MYO1H: variants seen among roughly 807,000 people sequenced by gnomAD.
MYO1H encodes the protein myosin IH.
Under a neutral mutation model 149.3 loss-of-function variants are expected in MYO1H, and 118 were observed. The ratio of observed to expected loss-of-function variants is 0.79; its 90% CI spans 0.68 to 0.92. The LOEUF (loss-of-function observed/expected upper bound fraction) is 0.92, where lower values mean the gene tolerates loss of function less well. MYO1H is among the 40% of genes least tolerant of loss of function. The probability of loss-of-function intolerance (pLI) is 0.00; values close to 1 mark genes in which losing one functional copy is unlikely to be tolerated. For synonymous variants in MYO1H, 447 were observed against 465.2 expected, an observed-to-expected ratio of 0.96 and a Z score of 0.50; for missense variants, 1,212 against 1,280.7, an observed-to-expected ratio of 0.95 and a Z score of 0.82.
intron 1 of MYO1H, among the ~76,000 whole-genome samples, chr12:109,377,292 C>T (rs1177475171): frequency 6.6e-6 from 1 of 152,160 alleles, no homozygotes; most frequent in East Asian, 1.9e-4. Context: ...TGGGCATCTG[C>T]ACGTGTTGAG....
At chr12:109,385,196 A>G (rs1276718995) in intron 1 of MYO1H, among the ~76,000 whole-genome samples, 1 of 152,202 alleles carries the variant, frequency 6.6e-6, no homozygotes, top group African/African-American at 2.4e-5. Context: ...GAACTTGGAA[A>G]TGCTCGTGTT....
chr12:109,432,902 A>T, exon 20 of MYO1H: 6 of 1,613,940 alleles, frequency 3.7e-6, no homozygotes, highest in Non-Finnish European at 5.1e-6. Context: ...CCTAGGTACA[A>T]GTCCTTATGC....
At chr12:109,392,069 T>A (rs183611973) in intron 2 of MYO1H, among the ~76,000 whole-genome samples, 2 of 152,366 alleles carry the variant, frequency 1.3e-5, no homozygotes, top group East Asian at 3.9e-4. Context: ...TTTAATTAGA[T>A]CCCATTTGTC....
chr12:109,442,795 C>CTTTTT (rs747073389), intron 27 of MYO1H, among the ~76,000 whole-genome samples: 8 of 94,032 alleles, frequency 8.5e-5, no homozygotes, highest in Non-Finnish European at 1.3e-4. Context: ...AGTGTCTGCT[C>CTTTTT]TTTTTTTTTT....
At chr12:109,328,172 G>T in the MYO1H span, among the ~76,000 whole-genome samples, 1 of 150,370 alleles carries the variant, frequency 6.7e-6, no homozygotes, top group Non-Finnish European at 1.5e-5. Flanking sequence ...GTGTGTGTGT[G>T]TGATGCCTAT....
chr12:109,350,418 C>T (rs1592776249), intron 1 of MYO1H, among the ~76,000 whole-genome samples: 2 of 152,158 alleles, frequency 1.3e-5, no homozygotes, highest in African/African-American at 2.4e-5. Context: ...GAATAAGTCT[C>T]ATGAGATCTG....
rs574108056 is a variant in MYO1H at position 109,387,795 on chromosome 12, C to A, written c.13-888C>A. Among the ~76,000 whole-genome samples the A allele has an allele frequency of 1.2e-3, 179 of 152,334 alleles. 1 individual carries two copies. The highest frequency in any genetic ancestry group is 0.01 in the Middle Eastern group (3 of 294). On this transcript the variant is annotated intron_variant, in intron 1 of 31. Transcript: ENST00000310903. ...GACATTACACACTCCAGGCTTCATA[C>A]CTACTCCTGTTCCCTCTCCCAACGC... is the stretch of plus-strand genomic sequence containing the variant.
At chr12:109,409,240 C>CTTTT (rs1870542742) in intron 10 of MYO1H, among the ~76,000 whole-genome samples, 11 of 91,030 alleles carry the variant, frequency 1.2e-4, no homozygotes, top group African/African-American at 2.1e-4. Context: ...TCTTCTTCTT[C>CTTTT]TTCTTCTTTT....
intron 24 of MYO1H, 109 bp downstream of exon 24, chr12:109,439,899 G>A (rs1484604921): frequency 2.1e-6 from 2 of 957,168 alleles, no homozygotes; most frequent in Admixed American, 2.5e-5. Context: ...GGGCTGCCCT[G>A]GCAAAGCCCT....
intron 8 of MYO1H, 82 bp from the exon 9 acceptor site, chr12:109,406,707 C>A: frequency 1.5e-6 from 2 of 1,313,412 alleles, no homozygotes; most frequent in Non-Finnish European, 2.2e-6. Flanking sequence ...GGTAACAGAG[C>A]CATACCTTGT....
chr12:109,314,852 C>T, the MYO1H span, among the ~76,000 whole-genome samples: 1 of 152,164 alleles, frequency 6.6e-6, no homozygotes, highest in Non-Finnish European at 1.5e-5. Flanking sequence ...GTAATCCCAG[C>T]ACTTTGGGAG....
chr12:109,314,164 C>G, the MYO1H span, among the ~76,000 whole-genome samples: 1 of 151,780 alleles, frequency 6.6e-6, no homozygotes, highest in East Asian at 1.9e-4. Context: ...GGATTACAGG[C>G]GTGAGCCACC....
In MYO1H at chr12:109,443,801, G is replaced by A; in HGVS notation, c.2824+152G>A. On this transcript the variant is annotated intron_variant, in intron 28 of 31. Coordinates refer to ENST00000310903, the Ensembl canonical transcript of MYO1H. ...ACCTGTAGTCTCAGCTACTCGGAAG[G>A]CTGAGGCAGGAGGATCACTTGAGCC... is the stretch of plus-strand genomic sequence containing the variant. 3 of 788,308 alleles carry A rather than the reference G, an allele frequency of 3.8e-6. No individual in the cohort carries two copies. In the South Asian group the frequency reaches 5.6e-5, roughly 15 times the overall value. 48.8% of individuals were successfully genotyped at this position (788,308 alleles called of 1,614,324 possible). A position where few individuals can be genotyped will look rare whatever the true frequency, so the allele number is the denominator to read the frequency against.
chr12:109,405,748 C>T (rs1363366169), intron 7 of MYO1H, among the ~76,000 whole-genome samples, 174 bp from the exon 8 acceptor site: 1 of 152,118 alleles, frequency 6.6e-6, no homozygotes, highest in Non-Finnish European at 1.5e-5. Flanking sequence ...AAGTGAATAA[C>T]AGGGCTGATT....
chr12:109,434,101 C>T (rs953460948), intron 20 of MYO1H, among the ~76,000 whole-genome samples: 8 of 152,140 alleles, frequency 5.3e-5, no homozygotes, highest in African/African-American at 1.9e-4. Flanking sequence ...CCTCCGCTTC[C>T]TGGGTTCAAG....
At chr12:109,364,120 A>G (rs1230560759) in intron 1 of MYO1H, among the ~76,000 whole-genome samples, 1 of 149,306 alleles carries the variant, frequency 6.7e-6, no homozygotes, top group African/African-American at 2.5e-5. Flanking sequence ...GCAGTGAGCC[A>G]AGATCATGCC....
chr12:109,443,042 G>GTGTGTATATATGTGTACGTA, intron 27 of MYO1H, among the ~76,000 whole-genome samples: 1 of 92,014 alleles, frequency 1.1e-5, no homozygotes, highest in South Asian at 3.0e-4. Flanking sequence ...GTGTGTGTGT[G>GTGTGTATATATGTGTACGTA]TGTGTATATA....
chr12:109,428,332 C>T (rs1405946889), intron 19 of MYO1H, among the ~76,000 whole-genome samples: 1 of 152,096 alleles, frequency 6.6e-6, no homozygotes. Flanking sequence ...AGCAGGTTAG[C>T]GGTGGGGACA....
intron 14 of MYO1H, among the ~76,000 whole-genome samples, chr12:109,414,667 T>C (rs1462012716): frequency 6.6e-6 from 1 of 152,162 alleles, no homozygotes; most frequent in African/African-American, 2.4e-5. Context: ...CTCAGTTCTA[T>C]ACTTTTATTT....
Sources: allele counts gnomAD v4.1 joint callset (sites outside exome capture counted in the v4.1 genomes callset), GRCh38; gene constraint gnomAD v4.1.1; transcripts MANE v1.5; gene names NCBI Gene and HGNC (gene_info 2026-07-23, HGNC 2026-07-21).